CRY1: variants seen among roughly 807,000 people sequenced by gnomAD.
CRY1 encodes cryptochrome circadian regulator 1.
CRY1 carries 45 observed loss-of-function variants against 76.0 expected under a neutral mutation model. The observed-to-expected ratio is 0.59, with a 90% confidence interval of 0.47 to 0.76. The LOEUF (loss-of-function observed/expected upper bound fraction) is 0.76. CRY1 is among the 30% of genes least tolerant of loss of function. The probability of loss-of-function intolerance (pLI) is 0.00; values close to 1 mark genes in which losing one functional copy is unlikely to be tolerated. For missense variants in CRY1, 587 were observed against 716.4 expected, an observed-to-expected ratio of 0.82 and a Z score of 2.06; for synonymous variants, 248 against 244.0, an observed-to-expected ratio of 1.02 and a Z score of -0.15.
chr12:107,026,834 T>A (rs945989564), intron 1 of CRY1, among the ~76,000 whole-genome samples: 1 of 150,662 alleles, frequency 6.6e-6, no homozygotes, highest in Non-Finnish European at 1.5e-5. Flanking sequence ...TACTTGGGCA[T>A]GACAAAAGAA....
intron 3 of CRY1, 112 bp downstream of exon 3, chr12:107,004,994 A>G: frequency 1.1e-6 from 1 of 932,092 alleles, no homozygotes; most frequent in Non-Finnish European, 1.5e-6. Context: ...AACCTCAGTT[A>G]AAAACTTATC....
chr12:107,055,543 G>A (rs922420709), intron 1 of CRY1, among the ~76,000 whole-genome samples: 21 of 151,992 alleles, frequency 1.4e-4, no homozygotes, highest in African/African-American at 5.1e-4. Context: ...ATTTCAATAA[G>A]TTAGCGTAAA....
In CRY1 at chr12:106,997,474, A is replaced by C. The variant is rs757816967; in HGVS notation, c.1492+14T>G. 1 of 1,613,606 alleles carries C rather than the reference A, an allele frequency of 6.2e-7. No homozygotes were observed. The highest frequency in any genetic ancestry group is 8.5e-7 in the Non-Finnish European group (1 of 1,179,810). On this transcript the variant is annotated intron_variant, in intron 9 of 12. Coordinates refer to ENST00000008527, the MANE Select transcript of CRY1 (RefSeq NM_004075.5). ...AAACAGCTGCCAAAGAAACAAAGAC[A>C]GTTCTTAACATACCTAGTCCTCTAT...
chr12:107,066,711 G>A (rs138688830), intron 1 of CRY1, among the ~76,000 whole-genome samples: 7 of 150,926 alleles, frequency 4.6e-5, no homozygotes, highest in East Asian at 2.0e-4. Context: ...ACATCCACCC[G>A]CCTCGGCCTC....
At chr12:107,020,763 C>T (rs1952547310) in intron 2 of CRY1, among the ~76,000 whole-genome samples, 1 of 151,900 alleles carries the variant, frequency 6.6e-6, no homozygotes, top group African/African-American at 2.4e-5. Context: ...TTCTTTGCAG[C>T]AATGTGAAAA....
intron 2 of CRY1, among the ~76,000 whole-genome samples, chr12:107,020,495 T>A (rs1483854994): frequency 6.6e-6 from 1 of 151,912 alleles, no homozygotes; most frequent in African/African-American, 2.4e-5. Flanking sequence ...CCCTTGGTGC[T>A]CTGATAGTGA....
intron 1 of CRY1, among the ~76,000 whole-genome samples, chr12:107,033,646 A>C (rs1475397521): frequency 6.6e-6 from 1 of 152,116 alleles, no homozygotes. Context: ...CTATATAACC[A>C]ATTGACGAGA....
intron 1 of CRY1, among the ~76,000 whole-genome samples, chr12:107,052,192 G>A (rs1038937974): frequency 2.6e-5 from 2 of 75,740 alleles, no homozygotes; most frequent in African/African-American, 6.1e-5. Context: ...TATACCCAGT[G>A]TAAATAAGGA....
intron 1 of CRY1, among the ~76,000 whole-genome samples, chr12:107,079,645 T>A (rs998398349): frequency 6.6e-6 from 1 of 152,124 alleles, no homozygotes; most frequent in Non-Finnish European, 1.5e-5. Flanking sequence ...TGCCTTTCCT[T>A]AAGCTATTCT....
intron 2 of CRY1, among the ~76,000 whole-genome samples, chr12:107,015,695 T>G (rs185660022): frequency 1.2e-4 from 18 of 152,190 alleles, no homozygotes; most frequent in African/African-American, 4.3e-4. Context: ...ACTTTGCAAT[T>G]TTTTTTGAGC....
chr12:107,011,812 C>T (rs1593501364), intron 2 of CRY1, among the ~76,000 whole-genome samples: 1 of 152,210 alleles, frequency 6.6e-6, no homozygotes, highest in Admixed American at 6.5e-5. Flanking sequence ...AAGGTGGCTA[C>T]ACTAAACTAC....
chr12:107,086,677 G>A (rs11837089), intron 1 of CRY1, among the ~76,000 whole-genome samples: 17,868 of 152,220 alleles, frequency 0.12, 1,715 homozygotes, highest in African/African-American at 0.25. Context: ...TTTCCAAGTG[G>A]TGTTAAGTCT....
intron 1 of CRY1, among the ~76,000 whole-genome samples, chr12:107,081,526 C>T (rs1026041887): frequency 6.6e-6 from 1 of 151,950 alleles, no homozygotes; most frequent in African/African-American, 2.4e-5. Context: ...TCTTACTGTC[C>T]GTTTTCCCCC....
intron 2 of CRY1, among the ~76,000 whole-genome samples, chr12:107,010,163 A>G (rs928236324): frequency 6.6e-6 from 1 of 151,996 alleles, no homozygotes; most frequent in African/African-American, 2.4e-5. Context: ...ATTTATTGAC[A>G]GTATAGTGTT....
chr12:107,025,118 C>T (rs1952593749), intron 1 of CRY1, among the ~76,000 whole-genome samples: 1 of 152,118 alleles, frequency 6.6e-6, no homozygotes, highest in South Asian at 2.1e-4. Context: ...TGGAAAAATA[C>T]TTACCAAGCT....
chr12:106,995,729 G>T (rs1401865981), intron 10 of CRY1, among the ~76,000 whole-genome samples: 1 of 151,994 alleles, frequency 6.6e-6, no homozygotes. Context: ...TGTGCCATGG[G>T]GGTTTGCTGC....
At chr12:107,032,137 T>C (rs1457781884) in intron 1 of CRY1, among the ~76,000 whole-genome samples, 1 of 151,924 alleles carries the variant, frequency 6.6e-6, no homozygotes, top group African/African-American at 2.4e-5. Flanking sequence ...TTTCGCCACG[T>C]TGGCCAGGCT....
chr12:107,011,668 T>C (rs146590131), intron 2 of CRY1, among the ~76,000 whole-genome samples: 1 of 152,074 alleles, frequency 6.6e-6, no homozygotes. Flanking sequence ...AGAAGGAAAG[T>C]TGGAAGCTAG....
chr12:107,024,755 T>C (rs537236622), intron 1 of CRY1, among the ~76,000 whole-genome samples: 1 of 152,326 alleles, frequency 6.6e-6, no homozygotes, highest in South Asian at 2.1e-4. Context: ...AGGAAAAGTT[T>C]TGAAACCTAA....
Sources: allele counts gnomAD v4.1 joint callset (sites outside exome capture counted in the v4.1 genomes callset), GRCh38; gene constraint gnomAD v4.1.1; transcripts MANE v1.5; gene names NCBI Gene and HGNC (gene_info 2026-07-23, HGNC 2026-07-21).